Variants in WDFY4 observed in about 807,000 individuals in gnomAD.
WDFY4 encodes WDFY family member 4, also known as WD repeat- and FYVE domain-containing protein 4.
Under a neutral mutation model 351.9 loss-of-function variants are expected in WDFY4, and 169 were observed. The ratio of observed to expected loss-of-function variants is 0.48; its 90% CI spans 0.42 to 0.55. The LOEUF is 0.55. WDFY4 is among the 20% of genes least tolerant of loss of function. The pLI is 0.00. For missense variants in WDFY4, 3,803 were observed against 3,935.6 expected (o/e 0.97, Z 0.90); for synonymous variants, 1,622 against 1,574.6 (o/e 1.03, Z -0.71).
chr10:48,772,165 G>A (rs528003298), intron 13 of WDFY4, among the ~76,000 whole-genome samples: 2 of 152,142 alleles, frequency 1.3e-5, no homozygotes, highest in Non-Finnish European at 2.9e-5. Context: ...GAAGGACTCG[G>A]GAGGGAAGGA....
At chr10:48,924,093 C>T (rs956814286) in intron 47 of WDFY4, among the ~76,000 whole-genome samples, 14 of 152,232 alleles carry the variant, frequency 9.2e-5, no homozygotes, top group African/African-American at 3.1e-4. Flanking sequence ...CATTAATCAC[C>T]TCAAGGTAAA....
chr10:48,798,707 A>C lies in WDFY4; in HGVS notation c.4410+2257A>C, dbSNP rs575138231. Among the ~76,000 whole-genome samples, 16 of 152,348 alleles carry C rather than the reference A, an allele frequency of 1.1e-4. No individual in the cohort carries two copies. The South Asian group carries it at 2.9e-3, about 28-fold the overall frequency. ...TGGGCACTCATAGGGAAATTCCACC[A>C]GTCAGGAAATAGGTTCTTTCTAGCT... On this transcript the variant is annotated intron_variant, in intron 24 of 61. Coordinates refer to ENST00000325239, the MANE Select transcript of WDFY4 (RefSeq NM_001394531.1).
intron 31 of WDFY4, among the ~76,000 whole-genome samples, chr10:48,816,139 A>C (rs995763257): frequency 5.3e-5 from 8 of 152,096 alleles, no homozygotes; most frequent in African/African-American, 1.7e-4. Context: ...CATTCATTTA[A>C]TTTGCACAAA....
At chr10:48,700,005 G>A (rs2063434809) in intron 1 of WDFY4, among the ~76,000 whole-genome samples, 1 of 152,106 alleles carries the variant, frequency 6.6e-6, no homozygotes, top group Non-Finnish European at 1.5e-5. Context: ...CTGGGGCTGG[G>A]GTTCAGAAAT....
At chr10:48,735,495 T>C (rs912521617) in intron 10 of WDFY4, among the ~76,000 whole-genome samples, 19 of 152,150 alleles carry the variant, frequency 1.2e-4, no homozygotes, top group Admixed American at 1.1e-3. Flanking sequence ...GTTTCTATTT[T>C]TTTTTCTTTT....
chr10:48,790,111 A>C, intron 22 of WDFY4, 126 bp downstream of exon 22: 1 of 908,916 alleles, frequency 1.1e-6, no homozygotes, highest in Non-Finnish European at 1.7e-6. Context: ...GGTCGGGAGG[A>C]CCAGAGTTGG....
intron 32 of WDFY4, among the ~76,000 whole-genome samples, chr10:48,818,929 C>T (rs2067714979): frequency 2.0e-5 from 3 of 152,244 alleles, no homozygotes; most frequent in African/African-American, 7.2e-5. Context: ...AGCCTACAGG[C>T]TCCCCCTCGA....
intron 40 of WDFY4, among the ~76,000 whole-genome samples, chr10:48,872,154 G>A (rs758273118): frequency 6.6e-6 from 1 of 152,154 alleles, no homozygotes; most frequent in Non-Finnish European, 1.5e-5. Context: ...TGCTTTCATG[G>A]GAATGCCTCT....
chr10:48,693,726 G>A (rs2063257063), intron 1 of WDFY4, among the ~76,000 whole-genome samples: 1 of 152,166 alleles, frequency 6.6e-6, no homozygotes, highest in Non-Finnish European at 1.5e-5. Context: ...CTTGGAGGCT[G>A]AAGCCCCCAC....
chr10:48,872,321 T>C (rs905765607), intron 40 of WDFY4, among the ~76,000 whole-genome samples: 3 of 152,146 alleles, frequency 2.0e-5, no homozygotes, highest in African/African-American at 4.8e-5. Context: ...CTCAAGGAAG[T>C]CTTTGGAATC....
chr10:48,720,424 C>T (rs2064043933), intron 3 of WDFY4, among the ~76,000 whole-genome samples: 1 of 152,032 alleles, frequency 6.6e-6, no homozygotes, highest in Non-Finnish European at 1.5e-5. Context: ...GCTATACACA[C>T]ACAGACACTA....
Position 48,901,845 on chromosome 10 carries a change from A to G in WDFY4, c.7568A>G (p.Glu2523Gly). The G allele has an allele frequency of 6.4e-7, 1 of 1,551,568 alleles. No individual in the cohort carries two copies. The change falls in exon 47 of 62, where the codon GAG becomes GGG. Residue 2523 changes from glutamate to glycine, a missense_variant. Around this residue, in one of 3 missense-constraint regions of WDFY4, gnomAD observed 3,054 missense variants for 3,148.6 expected, o/e 0.97. Transcript: ENST00000325239. ...AGCCTGAAGGGGAAAGCCACCTCGG[A>G]GGACACCCTCAGTCTAAGGTAATGG... ...QPSLKGKATS[E>G]DTLSLRRYPG...
chr10:48,883,429 G>A lies in WDFY4; in HGVS notation c.7167+6230G>A, dbSNP rs530202369. ...GTGTGTTACTCTCTACATTCCCCAGGCTGGTACAATTAGCCTATGTTGAGG... is the reference window on the plus strand; with the variant it reads ...GTGTGTTACTCTCTACATTCCCCAGACTGGTACAATTAGCCTATGTTGAGG... On this transcript the variant is annotated intron_variant, in intron 43 of 61. Coordinates refer to ENST00000325239, the MANE Select transcript of WDFY4 (RefSeq NM_001394531.1). Among the ~76,000 whole-genome samples the A allele has an allele frequency of 2.0e-5, 3 of 152,220 alleles. No homozygotes were observed. In the East Asian group the frequency reaches 5.8e-4, roughly 29 times the overall value.
chr10:48,923,717 T>C (rs1183693064), intron 47 of WDFY4, among the ~76,000 whole-genome samples: 2 of 151,982 alleles, frequency 1.3e-5, no homozygotes, highest in Non-Finnish European at 2.9e-5. Flanking sequence ...TCAGGCCCAG[T>C]CCTCAAGTTG....
intron 57 of WDFY4, among the ~76,000 whole-genome samples, chr10:48,970,664 A>G (rs1842298772): frequency 6.6e-6 from 1 of 152,230 alleles, no homozygotes; most frequent in South Asian, 2.1e-4. Context: ...GCATTTTGCC[A>G]CAAGTTGGCC....
chr10:48,956,919 C>A (rs1359445663), intron 51 of WDFY4, among the ~76,000 whole-genome samples: 5 of 152,202 alleles, frequency 3.3e-5, no homozygotes, highest in African/African-American at 1.2e-4. Context: ...TGCCTTGAAG[C>A]TCTGGAGCAA....
intron 47 of WDFY4, among the ~76,000 whole-genome samples, chr10:48,930,858 C>A (rs1046554973): frequency 3.7e-4 from 56 of 152,048 alleles, no homozygotes; most frequent in African/African-American, 1.3e-3. Context: ...GTGAAAGAAA[C>A]ATTTGTCCGT....
chr10:48,827,804 C>T (rs540888289), intron 36 of WDFY4, among the ~76,000 whole-genome samples: 1 of 151,922 alleles, frequency 6.6e-6, no homozygotes, highest in South Asian at 2.1e-4. Flanking sequence ...TCTGGGAAGC[C>T]CTGGGAAACC....
intron 40 of WDFY4, among the ~76,000 whole-genome samples, chr10:48,870,324 A>G (rs1048371256): frequency 2.0e-4 from 31 of 152,182 alleles, no homozygotes; most frequent in African/African-American, 7.5e-4. Flanking sequence ...TTGTTTGATG[A>G]CAGGAGCTCA....
Sources: gnomAD v4.1 joint callset for allele counts (sites outside exome capture counted in the v4.1 genomes callset) on GRCh38, gnomAD v4.1.1 for gene constraint, gnomAD v4.1.1 regional missense constraint, MANE v1.5 for transcripts, NCBI Gene and HGNC (gene_info 2026-07-23, HGNC 2026-07-21) for gene names.